Variants in GOLIM4 observed in about 807,000 individuals in gnomAD.
GOLIM4 encodes 130 kDa golgi-localized phosphoprotein.
In GOLIM4, 71 loss-of-function variants were observed where a neutral mutation model predicts 107.4. The observed-to-expected ratio is 0.66, with a 90% CI of 0.55 to 0.81. GOLIM4 has a LOEUF of 0.81. Ranked by LOEUF, GOLIM4 falls within the 30% of genes least tolerant of loss-of-function variation. The pLI, the probability that GOLIM4 is intolerant of heterozygous loss-of-function variation, is 0.00. For missense variants in GOLIM4, 830 were observed against 826.1 expected, an observed-to-expected ratio of 1.00 and a Z score of -0.06; for synonymous variants, 327 against 294.8, an observed-to-expected ratio of 1.11 and a Z score of -1.12.
In GOLIM4 at chr3:168,062,401, C is replaced by CTT. The variant is rs34407704; in HGVS notation, c.188-14038_188-14037dup. On this transcript the variant is annotated intron_variant, in intron 1 of 15. Transcript: ENST00000470487. ...TATCCCTAATTTGAATGTATTGGGGCTTTTTTTTTTTTTAGTGGAAAGGTT... is the reference window on the plus strand; with the variant it reads ...TATCCCTAATTTGAATGTATTGGGGCTTTTTTTTTTTTTTTAGTGGAAAGGTT... Among the ~76,000 whole-genome samples, 210 of 139,196 alleles carry CTT rather than the reference C, an allele frequency of 1.5e-3. 1 individual carries two copies. Among genetic ancestry groups the CTT allele is most frequent in the Non-Finnish European group, 2.3e-3 (149 of 64,464 alleles). The allele number at this position is 139,196 out of a possible 152,430, so 91.3% of individuals were successfully genotyped here.
At chr3:168,090,858 G>T (rs943472753) in intron 1 of GOLIM4, among the ~76,000 whole-genome samples, 1 of 152,200 alleles carries the variant, frequency 6.6e-6, no homozygotes, top group Non-Finnish European at 1.5e-5. Flanking sequence ...ATGAAATCAT[G>T]TCTTTTGCAG....
At chr3:168,031,935 A>AT (rs201509646) in intron 9 of GOLIM4, among the ~76,000 whole-genome samples, 3 of 151,462 alleles carry the variant, frequency 2.0e-5, no homozygotes, top group South Asian at 2.1e-4. Flanking sequence ...AATCCTGGCC[A>AT]TTTTTTTTTA....
chr3:168,038,290 C>T (rs1158713758), intron 7 of GOLIM4, among the ~76,000 whole-genome samples: 1 of 152,150 alleles, frequency 6.6e-6, no homozygotes, highest in Non-Finnish European at 1.5e-5. Context: ...TGGAGCAATA[C>T]ACAAAACTCA....
At chr3:168,011,088 AGC>A in intron 14 of GOLIM4, among the ~76,000 whole-genome samples, 1 of 152,318 alleles carries the variant, frequency 6.6e-6, no homozygotes, top group African/African-American at 2.4e-5. Flanking sequence ...TCCCAGTGTG[AGC>A]GACGCAGAAG....
chr3:168,076,230 T>C (rs528739721), intron 1 of GOLIM4, among the ~76,000 whole-genome samples: 40 of 152,344 alleles, frequency 2.6e-4, no homozygotes, highest in Non-Finnish European at 4.9e-4. Flanking sequence ...TAAAAGAATC[T>C]AAGTGAATAT....
chr3:168,054,950 CTCT>C (rs1270942010), intron 1 of GOLIM4, among the ~76,000 whole-genome samples: 5 of 152,148 alleles, frequency 3.3e-5, no homozygotes, highest in Admixed American at 2.0e-4. Context: ...TGCGCAAATT[CTCT>C]TCTTTTGTCT....
intron 1 of GOLIM4, among the ~76,000 whole-genome samples, chr3:168,088,209 G>A (rs1407200681): frequency 1.3e-5 from 2 of 152,112 alleles, no homozygotes; most frequent in Non-Finnish European, 2.9e-5. Flanking sequence ...GCTCAAAAGG[G>A]TAGAAAAGAC....
At chr3:168,022,756 G>C (rs1231430638) in intron 14 of GOLIM4, among the ~76,000 whole-genome samples, 1 of 152,204 alleles carries the variant, frequency 6.6e-6, no homozygotes, top group Non-Finnish European at 1.5e-5. Flanking sequence ...TCTCAGTGAT[G>C]GGGTGGTAAC....
chr3:168,083,992 T>C (rs1380974142), intron 1 of GOLIM4, among the ~76,000 whole-genome samples: 1 of 152,212 alleles, frequency 6.6e-6, no homozygotes, highest in Non-Finnish European at 1.5e-5. Context: ...ACACTGTTTA[T>C]CAATCTCTTG....
chr3:168,024,549 A>G lies in GOLIM4; in HGVS notation c.1837T>C (p.Tyr613His). ...DQQEDNVDEQ[Y>H]QEEAEEEVQE... ...ACCTCCTCTTCTGCCTCTTCCTGGTACTGTTCATCAACATTGTCCTCCTGC... is the reference window on the plus strand; with the variant it reads ...ACCTCCTCTTCTGCCTCTTCCTGGTGCTGTTCATCAACATTGTCCTCCTGC... The change falls in exon 14 of 16, where the codon TAC becomes CAC. Residue 613 changes from tyrosine to histidine, a missense_variant. Physicochemically the swap from Tyr to His is moderately conservative, Grantham distance 83. Transcript: ENST00000470487. The G allele has an allele frequency of 6.2e-7, 1 of 1,613,022 alleles. No homozygotes were observed. Among genetic ancestry groups the G allele is most frequent in the South Asian group, 1.1e-5 (1 of 91,062 alleles).
intron 1 of GOLIM4, among the ~76,000 whole-genome samples, chr3:168,071,717 G>A (rs73878628): frequency 0.011 from 1,667 of 151,756 alleles, 30 homozygotes; most frequent in African/African-American, 0.039. Context: ...GAGTCACAAG[G>A]GTGGGTAACT....
At chr3:168,013,007 T>G (rs1186526309) in intron 14 of GOLIM4, among the ~76,000 whole-genome samples, 1 of 148,112 alleles carries the variant, frequency 6.8e-6, no homozygotes, top group Non-Finnish European at 1.5e-5. Context: ...CCAGCTAACA[T>G]CATAATGACA....
Position 168,012,891 on chromosome 3 carries a change from G to A in GOLIM4, c.1861-2068C>T, listed in dbSNP as rs549587353. Among the ~76,000 whole-genome samples, 351 of 151,668 alleles carry A rather than the reference G, an allele frequency of 2.3e-3. 2 individuals carry two copies. Among genetic ancestry groups the A allele is most frequent in the African/African-American group, 7.9e-3 (326 of 41,062 alleles). On this transcript the variant is annotated intron_variant, in intron 14 of 15. Transcript: ENST00000470487. ...CCCTACAAGAGCTCCTAAAGGAAGC[G>A]CTAAACATGGAAAGGAACAACCGGA...
chr3:168,076,752 A>G (rs1373116369), intron 1 of GOLIM4, among the ~76,000 whole-genome samples: 2 of 152,222 alleles, frequency 1.3e-5, no homozygotes, highest in Non-Finnish European at 2.9e-5. Flanking sequence ...TGCTGCTAAA[A>G]TCAACATATT....
chr3:168,065,596 G>C (rs184356992), intron 1 of GOLIM4, among the ~76,000 whole-genome samples: 63 of 152,260 alleles, frequency 4.1e-4, no homozygotes, highest in Admixed American at 6.5e-4. Flanking sequence ...ATTGCAAATG[G>C]GTCTAATGAG....
intron 14 of GOLIM4, among the ~76,000 whole-genome samples, chr3:168,011,194 C>A (rs77905110): frequency 6.7e-6 from 1 of 148,730 alleles, no homozygotes; most frequent in African/African-American, 2.6e-5. Context: ...GCGCACCATG[C>A]GCGAGCCAAA....
At chr3:168,074,339 T>C (rs963988570) in intron 1 of GOLIM4, among the ~76,000 whole-genome samples, 4 of 152,206 alleles carry the variant, frequency 2.6e-5, no homozygotes, top group African/African-American at 4.8e-5. Flanking sequence ...ATTTGTTACA[T>C]GACAAATAAC....
rs1454394441 is a variant in GOLIM4 at position 168,029,789 on chromosome 3, T to G, written c.1424A>C (p.Glu475Ala). ...GGAAGGGGAAGGCTACCGGAGCTGC[T>G]CCTGGTGCTGCGGCCGGCCCTCCTC... is the stretch of plus-strand genomic sequence containing the variant. ...ELEEGRPQHQ[E>A]QLRQQAHYDA... is the part of the protein sequence containing the mutation. Residue 475 changes from glutamate to alanine, a missense_variant, in exon 10 of 16, where the codon GAG (glutamate) becomes GCG (alanine). Glu to Ala is a moderately radical substitution (Grantham distance 107, BLOSUM62 -1). Transcript: ENST00000470487. 1.9e-6 allele frequency: 3 copies of G among 1,613,622 alleles called. No homozygotes were observed. The highest frequency in any genetic ancestry group is 2.5e-6 in the Non-Finnish European group (3 of 1,179,944).
At chr3:168,095,076 T>C (rs1722105682) in intron 1 of GOLIM4, 23 bp downstream of exon 1, 1 of 1,577,176 alleles carries the variant, frequency 6.3e-7, no homozygotes. Context: ...GGCCACCGGC[T>C]GCGCGCGTCC....
Sources: allele counts gnomAD v4.1 joint callset (sites outside exome capture counted in the v4.1 genomes callset), GRCh38; gene constraint gnomAD v4.1.1; transcripts MANE v1.5; gene names NCBI Gene and HGNC (gene_info 2026-07-23, HGNC 2026-07-21).